Variants in PACRG observed in about 807,000 individuals in gnomAD.
The protein encoded by PACRG is parkin coregulated, also known as parkin coregulated gene protein.
Under a neutral mutation model 29.7 loss-of-function variants are expected in PACRG, and 29 were observed. The ratio of observed to expected loss-of-function variants is 0.98; its 90% CI spans 0.73 to 1.33. The LOEUF is 1.33. PACRG is among the 40% of genes most tolerant of loss of function. The pLI, the probability that PACRG is intolerant of heterozygous loss-of-function variation, is 0.00. For synonymous variants in PACRG, 116 were observed against 118.7 expected (o/e 0.98, Z 0.15); for missense variants, 279 against 316.2 (o/e 0.88, Z 0.89).
intron 1 of PACRG, among the ~76,000 whole-genome samples, chr6:162,745,411 C>G (rs1780912520): frequency 6.6e-6 from 1 of 152,070 alleles, no homozygotes; most frequent in African/African-American, 2.4e-5. Flanking sequence ...GGAGGGAGAG[C>G]ATCAGGACAA....
Position 163,089,216 on chromosome 6 carries a change from T to C in PACRG, c.464-43T>C, listed in dbSNP as rs766896788. On this transcript the variant is annotated intron_variant, in intron 3 of 4. Transcript: ENST00000366888. ...CCTTAACCTTGTAGACCTGATGCTT[T>C]CTATTAAAATATTTTCTGCTTGGTC... 3 of 1,587,390 alleles carry C rather than the reference T, an allele frequency of 1.9e-6. No individual in the cohort carries two copies. In the Admixed American group the frequency reaches 5.2e-5, roughly 27 times the overall value.
At chr6:162,773,718 T>A (rs1053500345) in intron 1 of PACRG, among the ~76,000 whole-genome samples, 2 of 151,866 alleles carry the variant, frequency 1.3e-5, no homozygotes. Flanking sequence ...GGTTTCACCT[T>A]GTTAGCCAGG....
At chr6:163,146,277 T>C (rs1042751807) in intron 4 of PACRG, among the ~76,000 whole-genome samples, 1 of 152,170 alleles carries the variant, frequency 6.6e-6, no homozygotes, top group Non-Finnish European at 1.5e-5. Flanking sequence ...AGCAAGCAGT[T>C]ACCAAGGGCA....
chr6:162,749,060 T>C (rs921897350), intron 1 of PACRG, among the ~76,000 whole-genome samples: 9 of 152,248 alleles, frequency 5.9e-5, no homozygotes, highest in Admixed American at 5.2e-4. Context: ...ATCTTTTTAG[T>C]CATCAGAATT....
At chr6:162,795,326 C>T (rs536345205) in intron 1 of PACRG, among the ~76,000 whole-genome samples, 76 of 152,132 alleles carry the variant, frequency 5.0e-4, no homozygotes, top group Non-Finnish European at 8.1e-4. Flanking sequence ...TGACTATATG[C>T]GCCTGTTGGA....
intron 3 of PACRG, among the ~76,000 whole-genome samples, chr6:163,080,189 T>C (rs540238407): frequency 2.6e-5 from 4 of 152,250 alleles, no homozygotes; most frequent in Admixed American, 1.3e-4. Context: ...TGAGCCACTG[T>C]GCCCGGCCCT....
chr6:163,104,988 A>T (rs575603635), intron 4 of PACRG, among the ~76,000 whole-genome samples: 4 of 152,278 alleles, frequency 2.6e-5, no homozygotes, highest in African/African-American at 9.6e-5. Flanking sequence ...ATAAGGCACT[A>T]ATCTACATTT....
chr6:163,249,044 A>T lies in PACRG; in HGVS notation c.614-65783A>T, dbSNP rs145586097. ...AAAAAAAAAAAAAAAAAAAAGACAAAGCTGAGAATCTGGTTTGTTCTTAAT... is the reference window on the plus strand; with the variant it reads ...AAAAAAAAAAAAAAAAAAAAGACAATGCTGAGAATCTGGTTTGTTCTTAAT... On this transcript the variant is annotated intron_variant, in intron 4 of 4. Coordinates refer to ENST00000366888, the MANE Select transcript of PACRG (RefSeq NM_001080379.2). 4.7e-3 allele frequency among the ~76,000 whole-genome samples: 706 copies of T among 150,746 alleles called. 5 individuals are homozygous for T. The highest frequency in any genetic ancestry group is 0.015 in the African/African-American group (622 of 41,154).
At chr6:162,854,238 G>A (rs778883777) in intron 2 of PACRG, among the ~76,000 whole-genome samples, 2 of 149,684 alleles carry the variant, frequency 1.3e-5, no homozygotes, top group Non-Finnish European at 3.0e-5. Flanking sequence ...AGTATCCTGC[G>A]CATAGTAAGC....
At chr6:162,894,792 A>G (rs1286070858) in intron 2 of PACRG, among the ~76,000 whole-genome samples, 1 of 152,214 alleles carries the variant, frequency 6.6e-6, no homozygotes, top group Non-Finnish European at 1.5e-5. Context: ...CATAGTGTGC[A>G]TTTTTAGAGA....
chr6:163,148,984 GAA>G (rs1777947113), intron 4 of PACRG, among the ~76,000 whole-genome samples: 2 of 52,120 alleles, frequency 3.8e-5, no homozygotes, highest in Non-Finnish European at 7.3e-5. Context: ...GGGGGGGGTG[GAA>G]AAATGTCCCT....
chr6:162,762,666 T>A (rs541368550), intron 1 of PACRG, among the ~76,000 whole-genome samples: 1 of 152,364 alleles, frequency 6.6e-6, no homozygotes, highest in East Asian at 1.9e-4. Context: ...GTTCTTTCAT[T>A]ATGCATGCTA....
At chr6:163,021,733 G>C (rs982951065) in intron 2 of PACRG, among the ~76,000 whole-genome samples, 3 of 152,080 alleles carry the variant, frequency 2.0e-5, no homozygotes, top group Non-Finnish European at 4.4e-5. Context: ...AGCTTCAGCT[G>C]TCCCGAATTC....
At chr6:163,273,602 G>A (rs912460231) in intron 4 of PACRG, among the ~76,000 whole-genome samples, 4 of 152,040 alleles carry the variant, frequency 2.6e-5, no homozygotes, top group African/African-American at 7.2e-5. Flanking sequence ...AATTTCAAAT[G>A]TATTTGCACA....
intron 4 of PACRG, among the ~76,000 whole-genome samples, chr6:163,237,040 T>C (rs6455882): frequency 0.42 from 63,841 of 151,958 alleles, 14,540 homozygotes; most frequent in African/African-American, 0.59. Context: ...CTAGGCCCCT[T>C]TCCCAACATT....
At chr6:163,188,930 A>G (rs1780078477) in intron 4 of PACRG, among the ~76,000 whole-genome samples, 1 of 152,250 alleles carries the variant, frequency 6.6e-6, no homozygotes. Context: ...TGTACGCTAG[A>G]ACGTGAAAAA....
At chr6:162,957,214 C>CCTTCAACACTTTCACAG (rs1800117951) in intron 2 of PACRG, 2 of 401,536 alleles carry the variant, frequency 5.0e-6, no homozygotes, top group East Asian at 1.1e-4. Context: ...CCAGCTTATG[C>CCTTCAACACTTTCACAG]CTTCAACACT....
rs1223358624 is a variant in PACRG, at chr6:163,269,943, G to GAAAACAAAGAA, written c.614-44881_614-44880insACAAAGAAAAA. Among the ~76,000 whole-genome samples, 4 of 27,048 alleles carry GAAAACAAAGAA rather than the reference G, an allele frequency of 1.5e-4. 1 individual carries two copies. In the South Asian group the frequency reaches 6.9e-3, roughly 47 times the overall value. The allele number at this position is 27,048 out of a possible 152,430, so 17.7% of individuals were successfully genotyped here. ...GAAAGAAAGAAAACAAAGAAAGAAA[G>GAAAACAAAGAA]AAAGAAAGAAAGAAAGAAAGAAAGA... On this transcript the variant is annotated intron_variant, in intron 4 of 4. Coordinates refer to ENST00000366888, the MANE Select transcript of PACRG (RefSeq NM_001080379.2).
At chr6:163,246,070 C>T (rs1484840314) in intron 4 of PACRG, among the ~76,000 whole-genome samples, 1 of 152,188 alleles carries the variant, frequency 6.6e-6, no homozygotes, top group Non-Finnish European at 1.5e-5. Context: ...ATCGTCCACT[C>T]AGTAGCCAGA....
Sources: gnomAD v4.1 joint callset for allele counts (sites outside exome capture counted in the v4.1 genomes callset) on GRCh38, gnomAD v4.1.1 for gene constraint, MANE v1.5 for transcripts, NCBI Gene and HGNC (gene_info 2026-07-23, HGNC 2026-07-21) for gene names.